KCND2: variants seen among roughly 807,000 people sequenced by gnomAD.
The protein encoded by KCND2 is A-type voltage-gated potassium channel KCND2.
In KCND2, 16 loss-of-function variants were observed where a neutral mutation model predicts 54.4. That is an observed-to-expected ratio of 0.29 (90% CI 0.20 to 0.45). The LOEUF (loss-of-function observed/expected upper bound fraction) is 0.45, where lower values mean the gene tolerates loss of function less well. Ranked by LOEUF, KCND2 falls within the 20% of genes least tolerant of loss-of-function variation. The pLI, the probability that KCND2 is intolerant of heterozygous loss-of-function variation, is 1.00. For missense variants in KCND2, 486 were observed against 824.2 expected (o/e 0.59, Z 5.02); for synonymous variants, 317 against 310.7 (o/e 1.02, Z -0.21).
intron 1 of KCND2, among the ~76,000 whole-genome samples, chr7:120,370,041 C>A (rs888720161): frequency 4.6e-5 from 7 of 151,922 alleles, no homozygotes; most frequent in Admixed American, 3.9e-4. Flanking sequence ...CAAAACAACA[C>A]AAAAGGATGG....
intron 1 of KCND2, among the ~76,000 whole-genome samples, chr7:120,363,003 A>G (rs952869708): frequency 1.3e-5 from 2 of 152,026 alleles, no homozygotes; most frequent in Admixed American, 6.6e-5. Context: ...TGACTCTTGT[A>G]TAAACCCTTG....
At chr7:120,565,851 C>G (rs1792290463) in intron 1 of KCND2, among the ~76,000 whole-genome samples, 1 of 152,144 alleles carries the variant, frequency 6.6e-6, no homozygotes, top group African/African-American at 2.4e-5. Context: ...AATATTTTAA[C>G]TTTCAATAGT....
Position 120,742,499 on chromosome 7 carries a change from T to C in KCND2, c.1375-11T>C. The C allele has an allele frequency of 3.1e-6, 5 of 1,611,302 alleles. No individual in the cohort carries two copies. The South Asian group carries it at 5.5e-5, about 18-fold the overall frequency. On this transcript the variant is annotated splice_polypyrimidine_tract_variant and intron_variant, in intron 3 of 5. Coordinates refer to ENST00000331113, the MANE Select transcript of KCND2 (RefSeq NM_012281.3). ...AAATAGAAAGCTCTTCTGTCTTCTC[T>C]TTGTTAACAGTCCTCAGAGGATGAG...
rs370315618 is a variant in KCND2, at chr7:120,622,485, T to TTATATATATATA, written c.1116-110415_1116-110404dup. The stretch of plus-strand genomic sequence containing the variant: ...TTAATTAATTAACCATGCGAAATTG[T>TTATATATATATA]TATATATATATATACAGTCTCATAA... On this transcript the variant is annotated intron_variant, in intron 1 of 5. Coordinates refer to ENST00000331113, the MANE Select transcript of KCND2 (RefSeq NM_012281.3). Among the ~76,000 whole-genome samples the TTATATATATATA allele has an allele frequency of 2.3e-3, 346 of 151,096 alleles. 1 individual carries two copies. The highest frequency in any genetic ancestry group is 8.0e-3 in the African/African-American group (330 of 41,132).
At chr7:120,321,635 TACATTGC>T (rs1179343472) in intron 1 of KCND2, among the ~76,000 whole-genome samples, 4 of 152,152 alleles carry the variant, frequency 2.6e-5, no homozygotes, top group Non-Finnish European at 5.9e-5. Context: ...AAGGTGAAAG[TACATTGC>T]ATTGTGCCTA....
At chr7:120,404,070 C>CA (rs1014200307) in intron 1 of KCND2, among the ~76,000 whole-genome samples, 8 of 151,780 alleles carry the variant, frequency 5.3e-5, no homozygotes. Context: ...TTTATTAAGA[C>CA]AAAAAAACTA....
At chr7:120,290,846 G>C (rs1799425786) in intron 1 of KCND2, among the ~76,000 whole-genome samples, 1 of 151,974 alleles carries the variant, frequency 6.6e-6, no homozygotes, top group African/African-American at 2.4e-5. Context: ...AGTAATGGGT[G>C]CCATGACCAA....
chr7:120,542,873 A>G (rs567593267), intron 1 of KCND2, among the ~76,000 whole-genome samples: 1 of 152,268 alleles, frequency 6.6e-6, no homozygotes, highest in South Asian at 2.1e-4. Context: ...CAGGCAATGT[A>G]ATAAATAGTT....
intron 1 of KCND2, among the ~76,000 whole-genome samples, chr7:120,291,943 A>C (rs1799441552): frequency 6.6e-6 from 1 of 151,736 alleles, no homozygotes; most frequent in African/African-American, 2.4e-5. Context: ...CTTCTTTTAA[A>C]CCTGTCCTAG....
intron 1 of KCND2, among the ~76,000 whole-genome samples, chr7:120,719,108 AATAT>A (rs768085194): frequency 3.2e-4 from 49 of 152,256 alleles, no homozygotes; most frequent in Middle Eastern, 6.8e-3. Context: ...AAGAAAGAAA[AATAT>A]ATTTGAGAGG....
chr7:120,449,927 A>G, intron 1 of KCND2, among the ~76,000 whole-genome samples: 1 of 152,252 alleles, frequency 6.6e-6, no homozygotes, highest in East Asian at 1.9e-4. Flanking sequence ...TGAAATATTG[A>G]AGAGAACAAA....
intron 1 of KCND2, among the ~76,000 whole-genome samples, chr7:120,528,480 A>G (rs551751553): frequency 1.3e-5 from 2 of 152,172 alleles, no homozygotes; most frequent in East Asian, 1.9e-4. Context: ...ATATTAATTT[A>G]TGGTGATGTA....
chr7:120,492,396 G>A (rs2116302481), intron 1 of KCND2, among the ~76,000 whole-genome samples: 1 of 152,042 alleles, frequency 6.6e-6, no homozygotes, highest in East Asian at 1.9e-4. Context: ...GTATGTACAT[G>A]CATACTCATA....
At chr7:120,636,363 A>C (rs1343904949) in intron 1 of KCND2, among the ~76,000 whole-genome samples, 1 of 152,076 alleles carries the variant, frequency 6.6e-6, no homozygotes, top group African/African-American at 2.4e-5. Flanking sequence ...CATTACTATT[A>C]TGATAAGTGC....
At chr7:120,683,573 A>G (rs1314401143) in intron 1 of KCND2, among the ~76,000 whole-genome samples, 1 of 152,196 alleles carries the variant, frequency 6.6e-6, no homozygotes, top group African/African-American at 2.4e-5. Flanking sequence ...TTTAAGTAAT[A>G]GCATAACTGG....
chr7:120,704,715 A>C (rs1792445232), intron 1 of KCND2, among the ~76,000 whole-genome samples: 1 of 152,140 alleles, frequency 6.6e-6, no homozygotes, highest in Non-Finnish European at 1.5e-5. Context: ...AATACTTGTT[A>C]TTTGTAGTCA....
chr7:120,299,712 C>G (rs949181749), intron 1 of KCND2, among the ~76,000 whole-genome samples: 3 of 152,098 alleles, frequency 2.0e-5, no homozygotes, highest in Non-Finnish European at 2.9e-5. Context: ...CATATAACAT[C>G]TGCGTTCCAC....
intron 1 of KCND2, among the ~76,000 whole-genome samples, chr7:120,352,105 T>A (rs1012161354): frequency 3.3e-5 from 5 of 151,940 alleles, no homozygotes; most frequent in Admixed American, 2.6e-4. Context: ...ACCCACCTAA[T>A]TTTTATATTT....
intron 1 of KCND2, among the ~76,000 whole-genome samples, chr7:120,628,744 C>A (rs892319354): frequency 1.3e-5 from 2 of 152,140 alleles, no homozygotes; most frequent in South Asian, 4.1e-4. Flanking sequence ...GCCCAAGTGC[C>A]CAGTTCCAGC....
Sources: gnomAD v4.1 joint callset for allele counts (sites outside exome capture counted in the v4.1 genomes callset) on GRCh38, gnomAD v4.1.1 for gene constraint, MANE v1.5 for transcripts, NCBI Gene and HGNC (gene_info 2026-07-23, HGNC 2026-07-21) for gene names.